CAMK2B: variants seen among roughly 807,000 people sequenced by gnomAD.
CAMK2B encodes calcium/calmodulin-dependent protein kinase type II subunit beta.
Under a neutral mutation model 93.7 loss-of-function variants are expected in CAMK2B, and 27 were observed. The observed-to-expected ratio is 0.29, with a 90% confidence interval of 0.21 to 0.40. The LOEUF (loss-of-function observed/expected upper bound fraction) is 0.40. CAMK2B is among the 10% of genes least tolerant of loss of function. The pLI is 1.00. For missense variants in CAMK2B, 568 were observed against 895.8 expected (o/e 0.63, Z 4.67); for synonymous variants, 374 against 358.8 (o/e 1.04, Z -0.48).
At chr7:44,262,945 TG>T in intron 3 of CAMK2B, 59 bp downstream of exon 3, 2 of 1,414,684 alleles carry the variant, frequency 1.4e-6, no homozygotes, top group Non-Finnish European at 2.0e-6. Flanking sequence ...GAAACCGGAA[TG>T]GGCTGCTGTC....
chr7:44,304,465 G>T lies in CAMK2B; in HGVS notation c.66-20240C>A, dbSNP rs144324718. Among the ~76,000 whole-genome samples, 8 of 152,280 alleles carry T rather than the reference G, an allele frequency of 5.3e-5. 1 individual carries two copies. Among genetic ancestry groups the T allele is most frequent in the African/African-American group, 1.9e-4 (8 of 41,548 alleles). Reference sequence around the variant, plus strand: ...CAGGTTCCTCCTCCCACTTAAGGAGGAAACTTAAGTGGCCACTGCTGAATA... The same window carrying T: ...CAGGTTCCTCCTCCCACTTAAGGAGTAAACTTAAGTGGCCACTGCTGAATA... On this transcript the variant is annotated intron_variant, in intron 1 of 23. Coordinates refer to ENST00000395749, the MANE Select transcript of CAMK2B (RefSeq NM_001220.5).
intron 1 of CAMK2B, among the ~76,000 whole-genome samples, chr7:44,285,754 C>A (rs1784863897): frequency 6.7e-6 from 1 of 149,654 alleles, no homozygotes; most frequent in Admixed American, 6.7e-5. Context: ...AACCAGTGAA[C>A]AGGGACAGGG....
intron 1 of CAMK2B, among the ~76,000 whole-genome samples, chr7:44,308,866 T>A (rs990406422): frequency 3.3e-5 from 5 of 152,142 alleles, no homozygotes; most frequent in African/African-American, 1.2e-4. Context: ...GAGCAGACCA[T>A]CCCTCCCCGG....
intron 11 of CAMK2B, 109 bp downstream of exon 11, chr7:44,241,591 G>A: frequency 5.0e-6 from 4 of 795,076 alleles, no homozygotes; most frequent in South Asian, 3.1e-5. Context: ...CAGTCTTGGG[G>A]GCAGCAGTAA....
intron 17 of CAMK2B, among the ~76,000 whole-genome samples, chr7:44,230,553 C>A (rs151001273): frequency 6.6e-6 from 1 of 152,316 alleles, no homozygotes; most frequent in African/African-American, 2.4e-5. Context: ...CAGAAACCCA[C>A]CGCAGCAGGA....
intron 2 of CAMK2B, among the ~76,000 whole-genome samples, chr7:44,274,317 AG>A (rs2097009465): frequency 6.6e-6 from 1 of 152,166 alleles, no homozygotes; most frequent in African/African-American, 2.4e-5. Flanking sequence ...GGCTGCCCAC[AG>A]GGGAGACACA....
Position 44,229,472 on chromosome 7 carries a change from C to T in CAMK2B, c.1255G>A (p.Val419Met). Reference protein sequence around the residue: ...APRVPDILSSVRRGSGAPEAE... With the variant: ...APRVPDILSSMRRGSGAPEAE... ...TCTGGGGCTCCCGAGCCCCTCCTCA[C>T]TGAGCTCAGGATGTCGGGGACCCTG... Residue 419 changes from valine to methionine, a missense_variant, in exon 18 of 24, where the codon GTG becomes ATG. By Grantham distance (21) the Val-to-Met change is conservative. Around this residue, in one of 4 missense-constraint regions of CAMK2B, gnomAD observed 308 missense variants for 292.1 expected, o/e 1.05. Transcript: ENST00000395749. 3 of 1,471,620 alleles carry T rather than the reference C, an allele frequency of 2.0e-6. No homozygotes were observed. The highest frequency in any genetic ancestry group is 2.7e-6 in the Non-Finnish European group (3 of 1,111,816). The allele number at this position is 1,471,620 out of a possible 1,614,324, so 91.2% of individuals were successfully genotyped here.
intron 18 of CAMK2B, 157 bp downstream of exon 18, chr7:44,229,231 C>T: frequency 1.6e-6 from 1 of 621,768 alleles, no homozygotes; most frequent in South Asian, 2.1e-5. Context: ...GCTCGATGGG[C>T]TGGGGCCACC....
chr7:44,311,802 G>A lies in CAMK2B; in HGVS notation c.65+13555C>T, dbSNP rs1793636603. 6.6e-6 allele frequency among the ~76,000 whole-genome samples: 1 copy of A among 152,214 alleles called. No individual in the cohort carries two copies. The highest frequency in any genetic ancestry group is 1.5e-5 in the Non-Finnish European group (1 of 68,038). On this transcript the variant is annotated intron_variant, in intron 1 of 23. Transcript: ENST00000395749. This position sits in a 1 kb window ranked among gnomAD's most constrained non-coding sequence, Gnocchi z 4.2. ...CACCTGCAGACAGGACAAGGGGAAG[G>A]GGTGTGTGACTGACTCTGCCCTACC...
chr7:44,270,807 GCCCCT>G (rs1415875246), intron 2 of CAMK2B, among the ~76,000 whole-genome samples: 1 of 152,268 alleles, frequency 6.6e-6, no homozygotes, highest in Non-Finnish European at 1.5e-5. Flanking sequence ...GGGGTCAGCA[GCCCCT>G]CCCTGCACTG....
chr7:44,246,987 G>GAC (rs200448042), intron 6 of CAMK2B, 133 bp downstream of exon 6: 4 of 678,452 alleles, frequency 5.9e-6, no homozygotes, highest in Admixed American at 2.3e-5. Context: ...TGCACACAAG[G>GAC]ACACACACAC....
In CAMK2B at chr7:44,305,602, C is replaced by T. The variant is rs181518375; in HGVS notation, c.65+19755G>A. On this transcript the variant is annotated intron_variant, in intron 1 of 23. Transcript: ENST00000395749. ...AAAAACAGTCTCCTGGGGAGATGGA[C>T]GGGGCACCCCTGTGAGGTGGGGGAG... is the stretch of plus-strand genomic sequence containing the variant. 3.0e-3 allele frequency among the ~76,000 whole-genome samples: 464 copies of T among 152,282 alleles called. 18 individuals carry two copies. Among genetic ancestry groups the T allele is most frequent in the Admixed American group, 0.028 (423 of 15,306 alleles).
chr7:44,280,998 C>T (rs2097097636), intron 2 of CAMK2B, among the ~76,000 whole-genome samples: 1 of 152,200 alleles, frequency 6.6e-6, no homozygotes, highest in Admixed American at 6.5e-5. Context: ...CTTAGGGACC[C>T]CACCTTTGTG....
intron 1 of CAMK2B, among the ~76,000 whole-genome samples, chr7:44,288,111 G>C (rs925032366): frequency 1.3e-5 from 2 of 152,214 alleles, no homozygotes; most frequent in Non-Finnish European, 2.9e-5. Context: ...ACCCACCAAG[G>C]CTTCCAGGGC....
Position 44,312,469 on chromosome 7 carries a change from G to A in CAMK2B, c.65+12888C>T, listed in dbSNP as rs966675836. 6.6e-6 allele frequency among the ~76,000 whole-genome samples: 1 copy of A among 152,114 alleles called. No homozygotes were observed. The highest frequency in any genetic ancestry group is 1.5e-5 in the Non-Finnish European group (1 of 68,020). On this transcript the variant is annotated intron_variant, in intron 1 of 23. Transcript: ENST00000395749. The surrounding 1 kb of genome is among the most constrained non-coding windows in gnomAD (Gnocchi z 4.1). ...CCTTTAAGTGAAAGGAGAAAGGAGA[G>A]GGAGGAAGAGGGAGGGAAGGAGGGG... is the stretch of plus-strand genomic sequence containing the variant.
Position 44,220,163 on chromosome 7 carries a change from T to C in CAMK2B, c.1900A>G (p.Thr634Ala). The change falls in exon 23 of 24, where the codon ACC (threonine) becomes GCC (alanine). Residue 634 changes from threonine to alanine, a missense_variant. Physicochemically the swap from Thr to Ala is moderately conservative, Grantham distance 58. Around this residue, in one of 4 missense-constraint regions of CAMK2B, gnomAD observed 116 missense variants for 188.0 expected, o/e 0.62. Transcript: ENST00000395749. The stretch of plus-strand genomic sequence containing the variant: ...ACGCGGGTCTCCTCAGACTGGCTGG[T>C]GCGGGGCCGGCCCTGCCCGTCAATG... The part of the protein sequence containing the change: ...QYIDGQGRPR[T>A]SQSEETRVWH... The C allele has an allele frequency of 6.3e-7, 1 of 1,588,344 alleles. No homozygotes were observed.
intron 1 of CAMK2B, among the ~76,000 whole-genome samples, chr7:44,291,493 G>T (rs774307494): frequency 7.9e-5 from 12 of 152,200 alleles, no homozygotes; most frequent in Admixed American, 4.6e-4. Flanking sequence ...GAGACAAGCA[G>T]CTGGACACAC....
At chr7:44,277,376 A>G (rs192982975) in intron 2 of CAMK2B, among the ~76,000 whole-genome samples, 1,612 of 152,206 alleles carry the variant, frequency 0.011, 10 homozygotes, top group South Asian at 0.02. Flanking sequence ...AAAAAATCGA[A>G]CTGTTACAGC....
At chr7:44,239,026 C>A (rs1344733451) in intron 13 of CAMK2B, among the ~76,000 whole-genome samples, 3 of 152,220 alleles carry the variant, frequency 2.0e-5, no homozygotes, top group Non-Finnish European at 2.9e-5. Context: ...CAGAAACAAC[C>A]CAAGAGGAAG....
Sources: gnomAD v4.1 joint callset for allele counts (sites outside exome capture counted in the v4.1 genomes callset) on GRCh38, gnomAD v4.1.1 for gene constraint, gnomAD v4.1.1 regional missense constraint, Gnocchi (gnomAD v3.1) non-coding constraint, MANE v1.5 for transcripts, NCBI Gene and HGNC (gene_info 2026-07-23, HGNC 2026-07-21) for gene names.